ERBB3: variants seen among roughly 807,000 people sequenced by gnomAD.
The protein encoded by ERBB3 is receptor tyrosine-protein kinase erbB-3.
In ERBB3, 96 loss-of-function variants were observed where a neutral mutation model predicts 156.7. The ratio of observed to expected loss-of-function variants is 0.61; its 90% CI spans 0.52 to 0.73. The LOEUF is 0.73. Among genes scored for constraint, ERBB3 ranks in the 30% least tolerant of loss-of-function variants. ERBB3 has a pLI of 0.00. For missense variants in ERBB3, 1,406 were observed against 1,709.4 expected, an observed-to-expected ratio of 0.82 and a Z score of 3.13; for synonymous variants, 567 against 632.0, an observed-to-expected ratio of 0.90 and a Z score of 1.54.
At chr12:56,093,713 G>C in intron 12 of ERBB3, 51 bp from the exon 13 acceptor site, 1 of 1,611,218 alleles carries the variant, frequency 6.2e-7, no homozygotes, top group Non-Finnish European at 8.5e-7. Flanking sequence ...TGAAGAGAGG[G>C]CTTGCTGGGA....
Position 56,084,043 on chromosome 12 carries a change from A to G in ERBB3, c.234+141A>G, listed in dbSNP as rs1868396099. Reference sequence around the variant, plus strand: ...TCCTAAGATTCAAAACCGTGTATTTATGGGGACAGTGGCTGTCATCTGGGA... The same window carrying G: ...TCCTAAGATTCAAAACCGTGTATTTGTGGGGACAGTGGCTGTCATCTGGGA... On this transcript the variant is annotated intron_variant, in intron 2 of 27. Coordinates refer to ENST00000267101, the MANE Select transcript of ERBB3 (RefSeq NM_001982.4). 5.8e-6 allele frequency: 5 copies of G among 866,068 alleles called. No homozygotes were observed. The East Asian group carries it at 1.0e-4, about 18-fold the overall frequency. The allele number at this position is 866,068 out of a possible 1,614,324, so 53.6% of individuals were successfully genotyped here. A position where few individuals can be genotyped will look rare whatever the true frequency, so the allele number is the denominator to read the frequency against.
In ERBB3 at chr12:56,093,006, T is replaced by C. The variant is rs1245889623; in HGVS notation, c.1204T>C (p.Trp402Arg). Residue 402 changes from tryptophan to arginine, a missense_variant, in exon 11 of 28, where the codon TGG becomes CGG. Physicochemically the swap from Trp to Arg is moderately radical, Grantham distance 101 (BLOSUM62 -3). Around this residue, in one of 3 missense-constraint regions of ERBB3, gnomAD observed 979 missense variants for 1,219.6 expected, o/e 0.80. Transcript: ENST00000267101. The stretch of plus-strand genomic sequence containing the variant: ...CTCAGGTTACCTGAACATCCAGTCC[T>C]GGCCGCCCCACATGCACAACTTCAG... The part of the protein sequence containing the change: ...EITGYLNIQS[W>R]PPHMHNFSVF... 6.2e-7 allele frequency: 1 copy of C among 1,614,172 alleles called. No homozygotes were observed. The highest frequency in any genetic ancestry group is 8.5e-7 in the Non-Finnish European group (1 of 1,180,012).
Position 56,088,940 on chromosome 12 carries a change from C to G in ERBB3, c.1109+72C>G, listed in dbSNP as rs554417031. On this transcript the variant is annotated intron_variant, in intron 9 of 27. Coordinates refer to ENST00000267101, the MANE Select transcript of ERBB3 (RefSeq NM_001982.4). ...TCACAGTTCATTTCATTGGCCAAAA[C>G]TTTCCTATGTGGAGCTGACTAGGAA... 5 of 1,593,254 alleles carry G rather than the reference C, an allele frequency of 3.1e-6. No individual in the cohort carries two copies. In the East Asian group the frequency reaches 1.1e-4, roughly 36 times the overall value.
In ERBB3 at chr12:56,094,384, C is replaced by T. The variant is rs74094535; in HGVS notation, c.1705-18C>T. ...ACCTTGGGATCTGATTCTTCCTGAC[C>T]TTCTCTCTTCCACTCAGGGCTCTGA... On this transcript the variant is annotated intron_variant, in intron 14 of 27. Coordinates refer to ENST00000267101, the MANE Select transcript of ERBB3 (RefSeq NM_001982.4). 4.5e-4 allele frequency: 730 copies of T among 1,614,034 alleles called. 9 individuals are homozygous for T. In the African/African-American group the frequency reaches 9.1e-3, roughly 20 times the overall value.
Position 56,097,073 on chromosome 12 carries a change from A to G in ERBB3, c.2303A>G (p.His768Arg). The G allele has an allele frequency of 6.2e-7, 1 of 1,614,146 alleles. No individual in the cohort carries two copies. The highest frequency in any genetic ancestry group is 8.5e-7 in the Non-Finnish European group (1 of 1,180,024). Residue 768 changes from histidine (H) to arginine (R), a missense_variant, in exon 20 of 28, where the codon CAT becomes CGT. Transcript: ENST00000267101. ...DHMLAIGSLD[H>R]AHIVRLLGLC... ...ATGCTGGCCATTGGCAGCCTGGACC[A>G]TGCCCACATTGTAAGGCTGCTGGGA...
chr12:56,093,577 G>A (rs1868789448), intron 12 of ERBB3, 27 bp downstream of exon 12: 1 of 1,599,946 alleles, frequency 6.3e-7, no homozygotes, highest in Non-Finnish European at 8.5e-7. Flanking sequence ...GCTAGGTGGT[G>A]AGAATAGGGA....
Position 56,083,880 on chromosome 12 carries a change from A to C in ERBB3, c.212A>C (p.Asn71Thr). The C allele has an allele frequency of 1.2e-6, 2 of 1,614,084 alleles. No individual in the cohort carries two copies. Among genetic ancestry groups the C allele is most frequent in the Non-Finnish European group, 1.7e-6 (2 of 1,179,990 alleles). Reference sequence around the variant, plus strand: ...CTTGAGATTGTGCTCACGGGACACAATGCCGACCTCTCCTTCCTGCAGGTT... The same window carrying C: ...CTTGAGATTGTGCTCACGGGACACACTGCCGACCTCTCCTTCCTGCAGGTT... ...GNLEIVLTGH[N>T]ADLSFLQWIR... The change falls in exon 2 of 28, where the codon AAT (asparagine) becomes ACT (threonine). Residue 71 changes from asparagine (N) to threonine (T), a missense_variant. Physicochemically the swap from Asn to Thr is moderately conservative, Grantham distance 65. Around this residue, in one of 3 missense-constraint regions of ERBB3, gnomAD observed 979 missense variants for 1,219.6 expected, o/e 0.80. Transcript: ENST00000267101.
At position 56,099,812 on chromosome 12, in the gene ERBB3, C is replaced by G. The variant is rs2136825248; in HGVS notation, c.2938-26C>G. ...GAGGAGTTGGCTGGAACCAGGATTC[C>G]CCCTAACAATCACCTATCGATATAG... On this transcript the variant is annotated intron_variant, in intron 24 of 27. Coordinates refer to ENST00000267101, the MANE Select transcript of ERBB3 (RefSeq NM_001982.4). The G allele has an allele frequency of 2.5e-6, 4 of 1,613,540 alleles. No homozygotes were observed. The South Asian group carries it at 3.3e-5, about 13-fold the overall frequency.
rs55787439 is a variant in ERBB3 at position 56,096,803 on chromosome 12, T to C, written c.2231T>C (p.Ile744Thr). 6.5e-5 allele frequency: 105 copies of C among 1,613,910 alleles called. No individual in the cohort carries two copies. Among genetic ancestry groups the C allele is most frequent in the Non-Finnish European group, 8.6e-5 (102 of 1,179,964 alleles). ...SIKIPVCIKV[I>T]EDKSGRQSFQ... ...AAGATTCCAGTCTGCATTAAAGTCA[T>C]TGAGGACAAGAGTGGACGGCAGAGT... Residue 744 changes from isoleucine to threonine, a missense_variant, in exon 19 of 28, where the codon ATT becomes ACT. Transcript: ENST00000267101.
At chr12:56,100,997 ATC>A in intron 26 of ERBB3, 62 bp from the exon 27 acceptor site, 6 of 1,105,674 alleles carry the variant, frequency 5.4e-6, no homozygotes, top group Non-Finnish European at 8.0e-6. Context: ...TTCTAAACAA[ATC>A]TCTCTTCTTT....
intron 12 of ERBB3, 28 bp downstream of exon 12, chr12:56,093,578 A>G (rs777676889): frequency 1.3e-6 from 2 of 1,599,904 alleles, no homozygotes; most frequent in Non-Finnish European, 1.7e-6. Context: ...CTAGGTGGTG[A>G]GAATAGGGAG....
chr12:56,084,781 G>A (rs1378378050), intron 2 of ERBB3, among the ~76,000 whole-genome samples: 2 of 152,056 alleles, frequency 1.3e-5, no homozygotes, highest in Non-Finnish European at 1.5e-5. Flanking sequence ...CCGGGAGGTG[G>A]AGGTTGTGGT....
intron 9 of ERBB3, 160 bp downstream of exon 9, chr12:56,089,028 T>A (rs1005015664): frequency 1.1e-6 from 1 of 934,688 alleles, no homozygotes; most frequent in East Asian, 2.5e-5. Context: ...ACATCCTCCA[T>A]CCAGGCCTTC....
intron 14 of ERBB3, 28 bp from the exon 15 acceptor site, chr12:56,094,374 T>A (rs1260270652): frequency 6.2e-7 from 1 of 1,613,966 alleles, no homozygotes. Flanking sequence ...GGGATCTGAT[T>A]CTTCCTGACC....
At chr12:56,096,472 C>T in intron 17 of ERBB3, 31 bp from the exon 18 acceptor site, 1 of 1,613,022 alleles carries the variant, frequency 6.2e-7, no homozygotes. Flanking sequence ...AATGGCCTTT[C>T]CTGAGTAACT....
At chr12:56,088,304 G>A (rs1868554551) in intron 7 of ERBB3, 142 bp downstream of exon 7, 2 of 970,916 alleles carry the variant, frequency 2.1e-6, no homozygotes, top group South Asian at 2.7e-5. Flanking sequence ...ACTCCAGTGA[G>A]TGACCCTTAC....
rs1438265278 is a variant in ERBB3, at chr12:56,093,665, G to C, written c.1481-99G>C. The C allele has an allele frequency of 3.2e-6, 5 of 1,573,526 alleles. No homozygotes were observed. In the African/African-American group the frequency reaches 4.0e-5, roughly 13 times the overall value. ...GTTGAGGGATGGAACCAAGGAGAAG[G>C]GGGCTGTTAGGCTGGAAGCAGTAAC... On this transcript the variant is annotated intron_variant, in intron 12 of 27. Coordinates refer to ENST00000267101, the MANE Select transcript of ERBB3 (RefSeq NM_001982.4).
intron 9 of ERBB3, among the ~76,000 whole-genome samples, chr12:56,091,300 A>ATATAT (rs1318572728): frequency 5.9e-4 from 1 of 1,686 alleles, no homozygotes; most frequent in African/African-American, 1.4e-3. Flanking sequence ...ATATATAAAT[A>ATATAT]ATATATATAA....
chr12:56,096,542 G>A lies in ERBB3; in HGVS notation c.2095G>A (p.Val699Ile). ...GGACCCCAGTGAGAAGGCTAACAAA[G>A]TCTTGGCCAGAATCTTCAAAGAGAC... ...PLDPSEKANKVLARIFKETEL... is the reference protein window; with the variant it reads ...PLDPSEKANKILARIFKETEL... The change falls in exon 18 of 28, where the codon GTC becomes ATC. Residue 699 changes from valine (V) to isoleucine (I), a missense_variant. Val to Ile is a conservative substitution (Grantham distance 29). Coordinates refer to ENST00000267101, the MANE Select transcript of ERBB3 (RefSeq NM_001982.4). The A allele has an allele frequency of 1.9e-6, 3 of 1,614,214 alleles. No individual in the cohort carries two copies. Among genetic ancestry groups the A allele is most frequent in the Non-Finnish European group, 2.5e-6 (3 of 1,180,040 alleles).
Sources: gnomAD v4.1 joint callset for allele counts (sites outside exome capture counted in the v4.1 genomes callset) on GRCh38, gnomAD v4.1.1 for gene constraint, gnomAD v4.1.1 regional missense constraint, MANE v1.5 for transcripts, NCBI Gene and HGNC (gene_info 2026-07-23, HGNC 2026-07-21) for gene names.